USP53: variants seen among roughly 807,000 people sequenced by gnomAD.
The protein encoded by USP53 is ubiquitin carboxyl-terminal hydrolase 53.
Under a neutral mutation model 94.9 loss-of-function variants are expected in USP53, and 71 were observed. The ratio of observed to expected loss-of-function variants is 0.75; its 90% CI spans 0.62 to 0.91. USP53 has a LOEUF of 0.91. USP53 is among the 40% of genes least tolerant of loss of function. USP53 has a pLI of 0.00. For synonymous variants in USP53, 375 were observed against 422.7 expected (o/e 0.89, Z 1.39); for missense variants, 1,173 against 1,281.0 (o/e 0.92, Z 1.29).
At chr4:119,279,744 G>C (rs560064192) in intron 17 of USP53, among the ~76,000 whole-genome samples, 1 of 152,116 alleles carries the variant, frequency 6.6e-6, no homozygotes, top group East Asian at 1.9e-4. Context: ...TGTGCTAGCA[G>C]TCAGCGAGAT....
intron 15 of USP53, among the ~76,000 whole-genome samples, chr4:119,270,212 A>C (rs747087899): frequency 6.6e-6 from 1 of 151,668 alleles, no homozygotes; most frequent in Non-Finnish European, 1.5e-5. Context: ...CTCACGTCTT[A>C]GCCTCCTGAG....
chr4:119,293,037 A>AT lies in USP53; in HGVS notation c.3052dup (p.Cys1018LeufsTer14), dbSNP rs1486995099. 2 of 1,614,102 alleles carry AT rather than the reference A, an allele frequency of 1.2e-6. No homozygotes were observed. The highest frequency in any genetic ancestry group is 1.7e-6 in the Non-Finnish European group (2 of 1,179,960). On this transcript the variant is annotated frameshift_variant, in exon 19 of 19. Coordinates refer to ENST00000692078, the MANE Select transcript of USP53 (RefSeq NM_001371395.1). LOFTEE classifies it high-confidence loss of function. The stretch of plus-strand genomic sequence containing the variant: ...AGGCAAACTCAGGTGCCATTGATGC[A>AT]TTTTGCCAACCAGAACTAGACTCTA...
At chr4:119,260,392 G>T in intron 10 of USP53, 115 bp from the exon 11 acceptor site, 1 of 773,946 alleles carries the variant, frequency 1.3e-6, no homozygotes, top group Non-Finnish European at 1.8e-6. Flanking sequence ...TCAATTTTTA[G>T]TATACTGAAT....
chr4:119,255,190 C>T (rs187496348), intron 7 of USP53, among the ~76,000 whole-genome samples: 407 of 152,308 alleles, frequency 2.7e-3, no homozygotes, highest in Middle Eastern at 0.01. Flanking sequence ...GTCAGGAATC[C>T]ACTTGAGGAG....
At chr4:119,260,711 T>A in intron 11 of USP53, 58 bp downstream of exon 11, 1 of 1,561,538 alleles carries the variant, frequency 6.4e-7, no homozygotes, top group Admixed American at 1.7e-5. Context: ...TAAAACATCA[T>A]CCTGATGTTT....
At position 119,271,769 on chromosome 4, in the gene USP53, G is replaced by C. The variant is rs1349279251; in HGVS notation, c.1909G>C (p.Gly637Arg). 2 of 1,613,656 alleles carry C rather than the reference G, an allele frequency of 1.2e-6. No individual in the cohort carries two copies. Among genetic ancestry groups the C allele is most frequent in the Admixed American group, 1.7e-5 (1 of 59,926 alleles). The change falls in exon 16 of 19, where the codon GGT (glycine) becomes CGT (arginine). Residue 637 changes from glycine (G) to arginine (R), a missense_variant. Coordinates refer to ENST00000692078, the MANE Select transcript of USP53 (RefSeq NM_001371395.1). ...GCCAAAAGAGAATCCAAAGCAAAAAGGTTTAATGACCATATATGAAGATGA... is the reference window on the plus strand; with the variant it reads ...GCCAAAAGAGAATCCAAAGCAAAAACGTTTAATGACCATATATGAAGATGA... ...NWPKENPKQKGLMTIYEDEMK... is the reference protein window; with the variant it reads ...NWPKENPKQKRLMTIYEDEMK...
At chr4:119,283,057 A>G (rs1157253952) in intron 17 of USP53, among the ~76,000 whole-genome samples, 1 of 151,962 alleles carries the variant, frequency 6.6e-6, no homozygotes, top group Admixed American at 6.6e-5. Flanking sequence ...GAGATATTAT[A>G]TAGGCTTGTC....
intron 7 of USP53, among the ~76,000 whole-genome samples, chr4:119,250,423 A>G (rs895140443): frequency 6.6e-6 from 1 of 152,206 alleles, no homozygotes; most frequent in African/African-American, 2.4e-5. Flanking sequence ...CCTTAGATGG[A>G]AAGCTCATTG....
chr4:119,271,713 A>C lies in USP53; in HGVS notation c.1853A>C (p.Lys618Thr), dbSNP rs751733789. Residue 618 changes from lysine to threonine, a missense_variant, in exon 16 of 19, where the codon AAA becomes ACA. Lys to Thr is a moderately conservative substitution (Grantham distance 78). Transcript: ENST00000692078. ...RHKPNISNKP[K>T]SSKDPSFSNW... is the part of the protein sequence containing the mutation. Reference sequence around the variant, plus strand: ...AAACCAAATATCAGTAATAAGCCTAAATCTAGCAAGGATCCGAGTTTTAGT... The same window carrying C: ...AAACCAAATATCAGTAATAAGCCTACATCTAGCAAGGATCCGAGTTTTAGT... The C allele has an allele frequency of 2.5e-6, 4 of 1,614,096 alleles. No homozygotes were observed. The highest frequency in any genetic ancestry group is 3.4e-6 in the Non-Finnish European group (4 of 1,180,020).
intron 13 of USP53, among the ~76,000 whole-genome samples, chr4:119,267,853 T>C (rs1751341948): frequency 6.6e-6 from 1 of 152,230 alleles, no homozygotes; most frequent in African/African-American, 2.4e-5. Context: ...GCTTAAGTTT[T>C]AAGTAACTTT....
chr4:119,269,236 T>C (rs149305860), intron 14 of USP53, among the ~76,000 whole-genome samples: 169 of 152,310 alleles, frequency 1.1e-3, no homozygotes, highest in African/African-American at 3.8e-3. Context: ...TGTGTAAGAA[T>C]AGAAGCATTG....
chr4:119,267,445 C>T lies in USP53; in HGVS notation c.1098C>T (p.Ile366=). Residue 366 remains isoleucine, a synonymous_variant, in exon 13 of 19, where the codon ATC becomes ATT. Transcript: ENST00000692078. ...VSTEDALRQV[I]SWSHYKSVAE... ...CTGAGGATGCACTCAGGCAGGTCATCAGCTGGTCACATTACAAATCTGTTG... is the reference window on the plus strand; with the variant it reads ...CTGAGGATGCACTCAGGCAGGTCATTAGCTGGTCACATTACAAATCTGTTG... The T allele has an allele frequency of 6.8e-6, 11 of 1,612,996 alleles. No homozygotes were observed. The highest frequency in any genetic ancestry group is 9.3e-6 in the Non-Finnish European group (11 of 1,179,718).
intron 17 of USP53, among the ~76,000 whole-genome samples, chr4:119,282,050 A>G (rs901088943): frequency 6.6e-6 from 1 of 152,076 alleles, no homozygotes. Context: ...GGTACCTCAT[A>G]TAGGTGGAAC....
intron 17 of USP53, among the ~76,000 whole-genome samples, chr4:119,284,347 A>G (rs62328403): frequency 0.092 from 13,966 of 151,584 alleles, 824 homozygotes; most frequent in Non-Finnish European, 0.13. Flanking sequence ...TGGAGAAAGG[A>G]TATAATATAC....
intron 12 of USP53, 70 bp from the exon 13 acceptor site, chr4:119,267,250 T>A: frequency 6.9e-7 from 1 of 1,457,348 alleles, no homozygotes; most frequent in Non-Finnish European, 9.2e-7. Context: ...TAACTCAGAG[T>A]CTGTCTTTTC....
chr4:119,272,750 C>G (rs1752031698), intron 16 of USP53: 1 of 152,158 alleles, frequency 6.6e-6, no homozygotes, highest in Non-Finnish European at 1.5e-5. Context: ...CCATCTCTAA[C>G]ATTTGTAACT....
chr4:119,231,038 C>T (rs1158249745), intron 3 of USP53, among the ~76,000 whole-genome samples: 1 of 152,040 alleles, frequency 6.6e-6, no homozygotes, highest in Non-Finnish European at 1.5e-5. Flanking sequence ...TTTCACTGAC[C>T]ACCTATAAAG....
chr4:119,281,819 G>A (rs1753541759), intron 17 of USP53, among the ~76,000 whole-genome samples: 2 of 152,126 alleles, frequency 1.3e-5, no homozygotes, highest in East Asian at 1.9e-4. Flanking sequence ...GGTAAAATAT[G>A]TATAGCCAAA....
Position 119,271,449 on chromosome 4 carries a change from AAAT to A in USP53, c.1595_1597del (p.Ile532del). 1 of 1,613,792 alleles carries A rather than the reference AAAT, an allele frequency of 6.2e-7. No homozygotes were observed. The highest frequency in any genetic ancestry group is 8.5e-7 in the Non-Finnish European group (1 of 1,179,990). On this transcript the variant is annotated inframe_deletion, in exon 16 of 19. Transcript: ENST00000692078. Reference sequence around the variant, plus strand: ...GTACCTCAGAGTCGAGCTTCTGCACAAATAATAAGTTCAAGTAAATCCCAGATT... The same window carrying A: ...GTACCTCAGAGTCGAGCTTCTGCACAAATAAGTTCAAGTAAATCCCAGATT...
Sources: allele counts gnomAD v4.1 joint callset (sites outside exome capture counted in the v4.1 genomes callset), GRCh38; gene constraint gnomAD v4.1.1; transcripts MANE v1.5; gene names NCBI Gene and HGNC (gene_info 2026-07-23, HGNC 2026-07-21).